RYR3: variants seen among roughly 807,000 people sequenced by gnomAD.
RYR3 encodes ryanodine receptor 3, also known as brain ryanodine receptor-calcium release channel.
In RYR3, 207 loss-of-function variants were observed where a neutral mutation model predicts 584.3. The observed-to-expected ratio is 0.35, with a 90% CI of 0.32 to 0.40. RYR3 has a LOEUF of 0.40. Ranked by LOEUF, RYR3 falls within the 10% of genes least tolerant of loss-of-function variation. RYR3 has a pLI of 1.00. For synonymous variants in RYR3, 2,416 were observed against 2,248.5 expected, an observed-to-expected ratio of 1.07 and a Z score of -2.11; for missense variants, 5,616 against 6,089.2, an observed-to-expected ratio of 0.92 and a Z score of 2.59.
Position 33,503,676 on chromosome 15 carries a change from T to C in RYR3, c.217T>C (p.Ser73Pro), listed in dbSNP as rs755357126. 2.5e-6 allele frequency: 4 copies of C among 1,613,262 alleles called. No homozygotes were observed. Among genetic ancestry groups the C allele is most frequent in the Non-Finnish European group, 3.4e-6 (4 of 1,179,670 alleles). Residue 73 changes from serine to proline, a missense_variant, in exon 3 of 104, where the codon TCC (serine) becomes CCC (proline). By Grantham distance (74) the Ser-to-Pro change is moderately conservative. Around this residue, in one of 9 missense-constraint regions of RYR3, gnomAD observed 1,284 missense variants for 1,344.6 expected, o/e 0.95. Coordinates refer to ENST00000634891, the MANE Select transcript of RYR3 (RefSeq NM_001036.6). ...LCVCNFVLEQ[S>P]LSVRALQEML... ...CGTCTGCAATTTTGTGCTGGAACAG[T>C]CCCTATCTGTCAGAGCCCTGCAGGA...
intron 1 of RYR3, among the ~76,000 whole-genome samples, chr15:33,386,881 A>T (rs1404469463): frequency 1.3e-5 from 2 of 151,982 alleles, no homozygotes; most frequent in Non-Finnish European, 2.9e-5. Context: ...TTTTTGAGAC[A>T]GAGTCTTGCT....
intron 1 of RYR3, among the ~76,000 whole-genome samples, chr15:33,397,523 T>C (rs1174616022): frequency 6.6e-6 from 1 of 152,178 alleles, no homozygotes; most frequent in Non-Finnish European, 1.5e-5. Context: ...CAGGAGAAAG[T>C]TACTGAAAGC....
chr15:33,803,810 C>T (rs187231331), intron 69 of RYR3, among the ~76,000 whole-genome samples: 3 of 152,304 alleles, frequency 2.0e-5, no homozygotes, highest in East Asian at 1.9e-4. Flanking sequence ...CCACAGCTCC[C>T]GGCCTTATCT....
chr15:33,503,351 C>G (rs1276248731), intron 2 of RYR3, among the ~76,000 whole-genome samples: 2 of 152,000 alleles, frequency 1.3e-5, no homozygotes, highest in African/African-American at 4.8e-5. Context: ...CCTTCTTTGG[C>G]AAGGCTATAT....
intron 3 of RYR3, among the ~76,000 whole-genome samples, chr15:33,509,891 A>T (rs76209743): frequency 0.023 from 3,506 of 152,318 alleles, 51 homozygotes; most frequent in Non-Finnish European, 0.036. Context: ...TAAGAACAGG[A>T]TATCACATCA....
chr15:33,535,168 G>GAAAGAC (rs1359655050), intron 5 of RYR3, among the ~76,000 whole-genome samples: 4 of 152,198 alleles, frequency 2.6e-5, no homozygotes, highest in African/African-American at 9.6e-5. Flanking sequence ...GGTAGCCAAA[G>GAAAGAC]AAAGACAAGA....
In RYR3 at chr15:33,633,010, C is replaced by T. The variant is rs370498604; in HGVS notation, c.2929C>T (p.Pro977Ser). 2.5e-6 allele frequency: 4 copies of T among 1,613,924 alleles called. No individual in the cohort carries two copies. Among genetic ancestry groups the T allele is most frequent in the African/African-American group, 2.7e-5 (2 of 75,038 alleles). Residue 977 changes from proline to serine, a missense_variant, in exon 24 of 104, where the codon CCT becomes TCT. Physicochemically the swap from Pro to Ser is moderately conservative, Grantham distance 74. Coordinates refer to ENST00000634891, the MANE Select transcript of RYR3 (RefSeq NM_001036.6). ...PLDLSDVKLL[P>S]PQEILVDKLA... ...GGATTTGTCTGATGTGAAGCTGTTA[C>T]CTCCTCAAGAAATTTTAGTGGATAA... is the stretch of plus-strand genomic sequence containing the variant.
intron 18 of RYR3, among the ~76,000 whole-genome samples, chr15:33,605,555 C>T (rs1235780968): frequency 6.6e-6 from 1 of 152,216 alleles, no homozygotes; most frequent in East Asian, 1.9e-4. Flanking sequence ...CCAGGGATTT[C>T]ATCCCTCAGT....
chr15:33,395,865 G>T (rs1202052659), intron 1 of RYR3, among the ~76,000 whole-genome samples: 1 of 152,186 alleles, frequency 6.6e-6, no homozygotes, highest in Non-Finnish European at 1.5e-5. Flanking sequence ...ATCCATGGAT[G>T]CTCAAGTCCT....
chr15:33,446,131 T>G (rs776668627), intron 1 of RYR3, among the ~76,000 whole-genome samples: 2 of 152,188 alleles, frequency 1.3e-5, no homozygotes, highest in Non-Finnish European at 2.9e-5. Flanking sequence ...TAGGGACTAT[T>G]TCTGCCACCT....
chr15:33,624,056 T>C (rs777478642), intron 20 of RYR3, 33 bp downstream of exon 20: 3 of 1,412,490 alleles, frequency 2.1e-6, no homozygotes, highest in Non-Finnish European at 3.0e-6. Context: ...AGGCAACCAA[T>C]ATAGATGAAG....
chr15:33,854,636 C>A, intron 97 of RYR3, 130 bp from the exon 98 acceptor site: 2 of 1,251,184 alleles, frequency 1.6e-6, no homozygotes, highest in Non-Finnish European at 2.2e-6. Context: ...AGATCTTGGG[C>A]CAGCTCACAG....
chr15:33,811,553 A>ATGTTTGTTTGTT lies in RYR3; in HGVS notation c.10257+534_10257+545dup, dbSNP rs57062262. Reference sequence around the variant, plus strand: ...CTGGTACATAAACTGCCCTTAATGTATGTTTGTTTGTTTGTTTGTTTGTTT... The same window carrying ATGTTTGTTTGTT: ...CTGGTACATAAACTGCCCTTAATGTATGTTTGTTTGTTTGTTTGTTTGTTTGTTTGTTTGTTT... On this transcript the variant is annotated intron_variant, in intron 72 of 103. Transcript: ENST00000634891. Among the ~76,000 whole-genome samples the ATGTTTGTTTGTT allele has an allele frequency of 7.9e-3, 1,191 of 150,346 alleles. 20 individuals are homozygous for ATGTTTGTTTGTT. The highest frequency in any genetic ancestry group is 0.027 in the African/African-American group (1,088 of 40,934).
chr15:33,821,620 C>G lies in RYR3; in HGVS notation c.10995+18C>G. ...TGCAACAGGTAACGGGAACTTGCAG[C>G]GGCTGGGCAGGCTCCCGGGGTATTC... On this transcript the variant is annotated intron_variant, in intron 80 of 103. Coordinates refer to ENST00000634891, the MANE Select transcript of RYR3 (RefSeq NM_001036.6). The G allele has an allele frequency of 6.2e-7, 1 of 1,611,638 alleles. No individual in the cohort carries two copies. The highest frequency in any genetic ancestry group is 8.5e-7 in the Non-Finnish European group (1 of 1,178,114).
rs796334765 is a variant in RYR3 at position 33,535,251 on chromosome 15, GA to G, written c.433+1871del. On this transcript the variant is annotated intron_variant, in intron 5 of 103. Coordinates refer to ENST00000634891, the MANE Select transcript of RYR3 (RefSeq NM_001036.6). ...CAGGTTGCCTAATTTTATAGATCTA[GA>G]AAAAAAAATCCAGCATCCAAACCGT... 3.9e-3 allele frequency among the ~76,000 whole-genome samples: 586 copies of G among 151,820 alleles called. 3 individuals carry two copies. Among genetic ancestry groups the G allele is most frequent in the African/African-American group, 0.013 (558 of 41,408 alleles).
chr15:33,664,235 G>A (rs2063337633), intron 36 of RYR3, among the ~76,000 whole-genome samples: 2 of 152,094 alleles, frequency 1.3e-5, no homozygotes, highest in Admixed American at 1.3e-4. Flanking sequence ...CCAGCTCCAT[G>A]GAGCCTGGAG....
chr15:33,714,923 T>C (rs1567009838), intron 43 of RYR3, among the ~76,000 whole-genome samples: 1 of 152,206 alleles, frequency 6.6e-6, no homozygotes, highest in African/African-American at 2.4e-5. Context: ...CTAAAAACTT[T>C]GTAATCAACC....
At chr15:33,504,266 T>C (rs978723227) in intron 3 of RYR3, among the ~76,000 whole-genome samples, 1 of 152,188 alleles carries the variant, frequency 6.6e-6, no homozygotes, top group Admixed American at 6.5e-5. Context: ...AGTAAAATGA[T>C]CCTTATAACT....
rs66478931 is a variant in RYR3, at chr15:33,766,288, GAAAAAA to G, written c.8706-2362_8706-2357del. Reference sequence around the variant, plus strand: ...AGACAGTGAGTCTCCACCTCAAAAAGAAAAAAAAAAAAAGAAAAAAAGAAAAACCAG... The same window carrying G: ...AGACAGTGAGTCTCCACCTCAAAAAGAAAAAAAGAAAAAAAGAAAAACCAG... On this transcript the variant is annotated intron_variant, in intron 60 of 103. Coordinates refer to ENST00000634891, the MANE Select transcript of RYR3 (RefSeq NM_001036.6). Among the ~76,000 whole-genome samples the G allele has an allele frequency of 1.3e-4, 17 of 134,078 alleles. 1 individual carries two copies. The highest frequency in any genetic ancestry group is 1.2e-3 in the South Asian group (5 of 4,258). The allele number at this position is 134,078 out of a possible 152,430, so 88.0% of individuals were successfully genotyped here. A position where few individuals can be genotyped will look rare whatever the true frequency, so the allele number is the denominator to read the frequency against.
Sources: allele counts gnomAD v4.1 joint callset (sites outside exome capture counted in the v4.1 genomes callset), GRCh38; gene constraint gnomAD v4.1.1; regional missense constraint gnomAD v4.1.1; transcripts MANE v1.5; gene names NCBI Gene and HGNC (gene_info 2026-07-23, HGNC 2026-07-21).